NEDD4: variants seen among roughly 807,000 people sequenced by gnomAD.
The protein encoded by NEDD4 is E3 ubiquitin-protein ligase NEDD4.
Under a neutral mutation model 144.9 loss-of-function variants are expected in NEDD4, and 99 were observed. The observed-to-expected ratio is 0.68, with a 90% CI of 0.58 to 0.81. The LOEUF is 0.81. Ranked by LOEUF, NEDD4 falls within the 30% of genes least tolerant of loss-of-function variation. NEDD4 has a pLI of 0.00. For missense variants in NEDD4, 985 were observed against 1,065.9 expected, an observed-to-expected ratio of 0.92 and a Z score of 1.06; for synonymous variants, 318 against 350.6, an observed-to-expected ratio of 0.91 and a Z score of 1.04.
intron 4 of NEDD4, among the ~76,000 whole-genome samples, chr15:55,933,895 T>C (rs1281120621): frequency 6.6e-6 from 1 of 152,214 alleles, no homozygotes; most frequent in Non-Finnish European, 1.5e-5. Context: ...GGTTCACACC[T>C]GTAATCCCAG....
At chr15:55,910,613 T>C (rs2036241445) in intron 5 of NEDD4, among the ~76,000 whole-genome samples, 1 of 151,144 alleles carries the variant, frequency 6.6e-6, no homozygotes, top group Non-Finnish European at 1.5e-5. Context: ...GCTTTGACTA[T>C]ACTCCTGACT....
chr15:55,860,839 G>T (rs2034376917), intron 9 of NEDD4, 61 bp from the exon 10 acceptor site: 7 of 1,424,662 alleles, frequency 4.9e-6, no homozygotes, highest in Non-Finnish European at 6.8e-6. Flanking sequence ...GATTGTCAAA[G>T]ATTCTGTGAT....
chr15:55,860,773 T>C lies in NEDD4; in HGVS notation c.680A>G (p.Asn227Ser), dbSNP rs766326491. 3.7e-6 allele frequency: 6 copies of C among 1,613,854 alleles called. No individual in the cohort carries two copies. In the South Asian group the frequency reaches 4.4e-5, roughly 12 times the overall value. Residue 227 changes from asparagine (N) to serine (S), a missense_variant, in exon 10 of 29, where the codon AAC (asparagine) becomes AGC (serine). Transcript: ENST00000435532. ...GTTGCCATTCTCAGCATCTGTTAGG[T>C]TGTCCCTATATTGGAAGTATAAAAA... ...TQWKRPTPQD[N>S]LTDAENGNIQ...
chr15:55,869,341 A>G (rs1178041042), intron 8 of NEDD4, among the ~76,000 whole-genome samples: 1 of 152,204 alleles, frequency 6.6e-6, no homozygotes, highest in Non-Finnish European at 1.5e-5. Flanking sequence ...ACTTTGAAAA[A>G]CTAGATTTAT....
intron 4 of NEDD4, among the ~76,000 whole-genome samples, chr15:55,942,908 T>G (rs535241434): frequency 9.2e-5 from 14 of 152,300 alleles, no homozygotes; most frequent in Admixed American, 2.6e-4. Context: ...GATAGTGATA[T>G]GAACAGGAAA....
rs1348768763 is a variant in NEDD4, at chr15:55,842,093, A to G, written c.1679T>C (p.Ile560Thr). ...GAAGTCTGCTCTCTTGACACCCATA[A>G]TTCTCCGGTAAGAGTCTTCAAGAAC... ...ATVLEDSYRR[I>T]MGVKRADFLK... Residue 560 changes from isoleucine to threonine, a missense_variant, in exon 19 of 29, where the codon ATT (isoleucine) becomes ACT (threonine). Ile to Thr is a moderately conservative substitution (Grantham distance 89). Transcript: ENST00000435532. The G allele has an allele frequency of 3.7e-6, 6 of 1,614,124 alleles. No homozygotes were observed. The highest frequency in any genetic ancestry group is 2.2e-5 in the South Asian group (2 of 91,072).
chr15:55,926,715 G>A (rs2036672882), intron 4 of NEDD4, among the ~76,000 whole-genome samples: 2 of 151,520 alleles, frequency 1.3e-5, no homozygotes, highest in African/African-American at 2.4e-5. Context: ...GCAGTGAGCC[G>A]AGATCGTGCC....
At chr15:55,859,072 G>A (rs2034303452) in intron 11 of NEDD4, among the ~76,000 whole-genome samples, 1 of 152,170 alleles carries the variant, frequency 6.6e-6, no homozygotes, top group South Asian at 2.1e-4. Flanking sequence ...TCAGTAACTA[G>A]CATATAGTAC....
intron 5 of NEDD4, among the ~76,000 whole-genome samples, chr15:55,922,242 T>A: frequency 6.6e-6 from 1 of 152,198 alleles, no homozygotes; most frequent in East Asian, 1.9e-4. Flanking sequence ...AAATTATGCA[T>A]CATTGAAATG....
intron 2 of NEDD4, among the ~76,000 whole-genome samples, chr15:55,958,538 C>T (rs1033034829): frequency 6.6e-5 from 10 of 151,982 alleles, no homozygotes; most frequent in African/African-American, 2.2e-4. Flanking sequence ...ATTTTCTGAA[C>T]GTGTTTGTGT....
chr15:55,922,683 T>C (rs1236997827), intron 5 of NEDD4, among the ~76,000 whole-genome samples: 4 of 152,078 alleles, frequency 2.6e-5, no homozygotes, highest in Admixed American at 6.6e-5. Context: ...TTTTTGGGGA[T>C]ATATATACAT....
chr15:55,874,989 A>T (rs2034940788), intron 5 of NEDD4, among the ~76,000 whole-genome samples: 1 of 125,768 alleles, frequency 8.0e-6, no homozygotes. Context: ...AAAAAAAAAA[A>T]GGAAATCAAC....
intron 8 of NEDD4, among the ~76,000 whole-genome samples, chr15:55,863,784 TA>T (rs2034491897): frequency 6.6e-6 from 1 of 152,226 alleles, no homozygotes; most frequent in Non-Finnish European, 1.5e-5. Context: ...GCACCTTGCT[TA>T]CGGTAGAAAT....
intron 1 of NEDD4, among the ~76,000 whole-genome samples, chr15:55,976,974 T>G (rs2037712631): frequency 6.6e-6 from 1 of 152,174 alleles, no homozygotes; most frequent in African/African-American, 2.4e-5. Flanking sequence ...TATGAAATAT[T>G]ATAGCACAAG....
At chr15:55,877,510 A>G (rs528561662) in intron 5 of NEDD4, among the ~76,000 whole-genome samples, 133 of 152,288 alleles carry the variant, frequency 8.7e-4, no homozygotes, top group Non-Finnish European at 2.6e-4. Flanking sequence ...GCTGTCTTCC[A>G]TGTTTCTCAA....
chr15:55,896,572 A>G (rs147629890), intron 5 of NEDD4, among the ~76,000 whole-genome samples: 2 of 152,164 alleles, frequency 1.3e-5, no homozygotes, highest in Admixed American at 6.5e-5. Context: ...TCTGTTTTTA[A>G]TATCTGTATT....
intron 5 of NEDD4, among the ~76,000 whole-genome samples, chr15:55,882,857 G>T (rs2035244244): frequency 6.6e-6 from 1 of 152,198 alleles, no homozygotes; most frequent in Non-Finnish European, 1.5e-5. Context: ...CTTGCTGACT[G>T]AAGAGCCTTA....
rs1206740118 is a variant in NEDD4, at chr15:55,830,562, G to T, written c.2552C>A (p.Thr851Lys). 1 of 1,613,934 alleles carries T rather than the reference G, an allele frequency of 6.2e-7. No individual in the cohort carries two copies. The highest frequency in any genetic ancestry group is 2.2e-5 in the East Asian group (1 of 44,898). Residue 851 changes from threonine (T) to lysine (K), a missense_variant, in exon 28 of 29, where the codon ACA becomes AAA. Coordinates refer to ENST00000435532, the MANE Select transcript of NEDD4 (RefSeq NM_006154.4). ...TTCAGGAGTACCCCACTGTTCAACT[G>T]TAAATGACTGTGGTCCATTTGAACC... is the stretch of plus-strand genomic sequence containing the variant. ...LYGSNGPQSF[T>K]VEQWGTPEKL...
intron 1 of NEDD4, among the ~76,000 whole-genome samples, chr15:55,990,245 C>T (rs1178644870): frequency 1.3e-5 from 2 of 152,118 alleles, no homozygotes; most frequent in Non-Finnish European, 2.9e-5. Flanking sequence ...CCTGAAACCA[C>T]TGGACCGCAT....
Sources: allele counts gnomAD v4.1 joint callset (sites outside exome capture counted in the v4.1 genomes callset), GRCh38; gene constraint gnomAD v4.1.1; transcripts MANE v1.5; gene names NCBI Gene and HGNC (gene_info 2026-07-23, HGNC 2026-07-21).